The following IFT25 variants were observed in gnomAD, a reference collection of about 807,000 sequenced individuals.
IFT25 encodes the protein intraflagellar transport protein 25 homolog.
chr1:53,923,973 A>G, the IFT25 span: 1 of 1,518,194 alleles, frequency 6.6e-7, no homozygotes, highest in Non-Finnish European at 9.1e-7. Flanking sequence ...AACAGAAGAA[A>G]TGAGTTAAGG....
the IFT25 span, chr1:53,921,699 C>T: frequency 6.2e-7 from 1 of 1,613,692 alleles, no homozygotes; most frequent in Admixed American, 1.7e-5. Context: ...AAACGCTATG[C>T]ACAGATGCAA....
chr1:53,927,838 A>G, the IFT25 span, among the ~76,000 whole-genome samples: 905 of 152,310 alleles, frequency 5.9e-3, 8 homozygotes, highest in African/African-American at 0.021. Context: ...CTTTATCATA[A>G]TATACACTGA....
the IFT25 span, among the ~76,000 whole-genome samples, chr1:53,936,759 CTCT>C: frequency 1.3e-5 from 2 of 151,988 alleles, no homozygotes; most frequent in East Asian, 1.9e-4. Flanking sequence ...CTGATTTTCT[CTCT>C]TCTTTTTTAC....
At chr1:53,918,577 A>G in the IFT25 span, among the ~76,000 whole-genome samples, 1 of 152,240 alleles carries the variant, frequency 6.6e-6, no homozygotes, top group Admixed American at 6.5e-5. Flanking sequence ...CAGGAAAAGC[A>G]CAAATCTGGA....
the IFT25 span, among the ~76,000 whole-genome samples, chr1:53,913,740 T>C: frequency 2.6e-5 from 4 of 152,102 alleles, no homozygotes; most frequent in Non-Finnish European, 5.9e-5. Context: ...ATAGAGGTAA[T>C]GAAAATCACA....
At chr1:53,926,058 C>T in the IFT25 span, among the ~76,000 whole-genome samples, 63 of 145,686 alleles carry the variant, frequency 4.3e-4, no homozygotes, top group East Asian at 4.0e-4. Flanking sequence ...GCCGAGATTG[C>T]GCCACTGCAC....
chr1:53,943,296 C>G, the IFT25 span, among the ~76,000 whole-genome samples: 1 of 152,112 alleles, frequency 6.6e-6, no homozygotes, highest in Non-Finnish European at 1.5e-5. Flanking sequence ...ATTGGTAGTT[C>G]TCTTAGGCTG....
the IFT25 span, among the ~76,000 whole-genome samples, chr1:53,918,895 A>G: frequency 6.6e-6 from 1 of 152,034 alleles, no homozygotes; most frequent in Non-Finnish European, 1.5e-5. Context: ...CTGGAGTGCA[A>G]TGGCGTGATC....
the IFT25 span, among the ~76,000 whole-genome samples, chr1:53,911,579 C>CTGTGATATCTGAAAGATATCTGAA: frequency 6.6e-6 from 1 of 152,098 alleles, no homozygotes; most frequent in Non-Finnish European, 1.5e-5. Context: ...CAGTCACTTT[C>CTGTGATATCTGAAAGATATCTGAA]AGATATGTTA....
At chr1:53,936,236 C>T in the IFT25 span, among the ~76,000 whole-genome samples, 1 of 152,106 alleles carries the variant, frequency 6.6e-6, no homozygotes, top group Non-Finnish European at 1.5e-5. Context: ...TGCAGTAAGC[C>T]GAAATCGTGC....
chr1:53,922,218 A>C, the IFT25 span, among the ~76,000 whole-genome samples: 2 of 152,152 alleles, frequency 1.3e-5, no homozygotes, highest in Non-Finnish European at 2.9e-5. Flanking sequence ...AACATGGAGA[A>C]ACCCTGTCTC....
chr1:53,916,952 G>T, the IFT25 span: 1 of 329,142 alleles, frequency 3.0e-6, no homozygotes, highest in Non-Finnish European at 5.5e-6. Flanking sequence ...GACCAGCCTG[G>T]CCAACATGGC....
chr1:53,917,773 G>A, the IFT25 span, among the ~76,000 whole-genome samples: 1 of 152,052 alleles, frequency 6.6e-6, no homozygotes, highest in Admixed American at 6.6e-5. Flanking sequence ...GTTGCAGTGA[G>A]CTGAGATTGT....
chr1:53,923,427 A>G, the IFT25 span: 2 of 154,908 alleles, frequency 1.3e-5, no homozygotes, highest in Admixed American at 6.5e-5. Context: ...AGCAAAGCCC[A>G]ATGGAATGTT....
the IFT25 span, among the ~76,000 whole-genome samples, chr1:53,932,043 C>T: frequency 9.7e-4 from 148 of 152,250 alleles, no homozygotes; most frequent in Middle Eastern, 3.4e-3. Context: ...ACATTTTCAA[C>T]GTCATTCTGT....
At chr1:53,926,528 T>C in the IFT25 span, among the ~76,000 whole-genome samples, 2 of 152,120 alleles carry the variant, frequency 1.3e-5, no homozygotes, top group African/African-American at 4.8e-5. Context: ...AAAATAGTGG[T>C]TTAATATAAT....
At chr1:53,945,864 G>A in the IFT25 span, 2 of 38,906 alleles carry the variant, frequency 5.1e-5, no homozygotes, top group Non-Finnish European at 8.5e-5. Context: ...CCCCGCCACC[G>A]CGGCCTCCAC....
At chr1:53,939,074 C>CAA in the IFT25 span, among the ~76,000 whole-genome samples, 512 of 22,492 alleles carry the variant, frequency 0.023, 103 homozygotes, top group African/African-American at 0.074. Flanking sequence ...AACTCCGTCT[C>CAA]AAAAAAAAAA....
chr1:53,938,704 T>C, the IFT25 span, among the ~76,000 whole-genome samples: 1 of 152,172 alleles, frequency 6.6e-6, no homozygotes, highest in African/African-American at 2.4e-5. Context: ...AATTAGATGA[T>C]TCTATGAGTC....
Sources: gnomAD v4.1 joint callset for allele counts (sites outside exome capture counted in the v4.1 genomes callset) on GRCh38, gnomAD v4.1.1 for gene constraint, MANE v1.5 for transcripts, NCBI Gene and HGNC (gene_info 2026-07-23, HGNC 2026-07-21) for gene names.